Variants in RBFOX1 observed in about 807,000 individuals in gnomAD.
RBFOX1 encodes RNA binding protein fox-1 homolog 1.
In RBFOX1, 8 loss-of-function variants were observed where a neutral mutation model predicts 57.7. The observed-to-expected ratio is 0.14, with a 90% CI of 0.08 to 0.25. The LOEUF (loss-of-function observed/expected upper bound fraction) is 0.25, where lower values mean the gene tolerates loss of function less well. RBFOX1 is among the 10% of genes least tolerant of loss of function. The probability of loss-of-function intolerance (pLI) is 1.00; values close to 1 mark genes in which losing one functional copy is unlikely to be tolerated. For synonymous variants in RBFOX1, 326 were observed against 222.4 expected, an observed-to-expected ratio of 1.47 and a Z score of -4.15; for missense variants, 611 against 548.5, an observed-to-expected ratio of 1.11 and a Z score of -1.14.
chr16:6,042,609 A>G (rs1421467518), intron 1 of RBFOX1, among the ~76,000 whole-genome samples: 1 of 152,144 alleles, frequency 6.6e-6, no homozygotes, highest in Non-Finnish European at 1.5e-5. Flanking sequence ...ACTCTGGAAG[A>G]TATTTAAAGA....
Position 7,516,898 on chromosome 16 carries a change from AAG to A in RBFOX1, c.28-1246_28-1245del, listed in dbSNP as rs754612500. ...TGCTGCACTCAAATTGCTTTAGAGAAAGAGGATTTCGGATGTTGGTGGCAAGT... is the reference window on the plus strand; with the variant it reads ...TGCTGCACTCAAATTGCTTTAGAGAAAGGATTTCGGATGTTGGTGGCAAGT... On this transcript the variant is annotated intron_variant, in intron 4 of 15. Transcript: ENST00000550418. Among the ~76,000 whole-genome samples the A allele has an allele frequency of 5.3e-5, 8 of 152,184 alleles. No individual in the cohort carries two copies. In the East Asian group the frequency reaches 9.7e-4, roughly 18 times the overall value.
intron 3 of RBFOX1, among the ~76,000 whole-genome samples, chr16:6,946,144 A>G (rs2079470602): frequency 6.6e-6 from 1 of 152,234 alleles, no homozygotes; most frequent in Non-Finnish European, 1.5e-5. Context: ...CTCAAGTGGG[A>G]TAACTCATGA....
At chr16:6,636,371 G>A (rs986580032) in intron 2 of RBFOX1, among the ~76,000 whole-genome samples, 2 of 151,916 alleles carry the variant, frequency 1.3e-5, no homozygotes, top group African/African-American at 2.4e-5. Flanking sequence ...GGGGTTTCAT[G>A]GTGTTAGCCA....
At chr16:5,371,894 G>T (rs1051730976) in intron 1 of RBFOX1, among the ~76,000 whole-genome samples, 2 of 152,166 alleles carry the variant, frequency 1.3e-5, no homozygotes, top group Non-Finnish European at 2.9e-5. Flanking sequence ...CCGAGTCAAC[G>T]GGAGGTTTCC....
intron 1 of RBFOX1, among the ~76,000 whole-genome samples, chr16:6,133,529 C>G (rs573111098): frequency 6.6e-6 from 1 of 152,198 alleles, no homozygotes; most frequent in Non-Finnish European, 1.5e-5. Flanking sequence ...CCTGCGATCA[C>G]GCTATGTTTA....
intron 1 of RBFOX1, among the ~76,000 whole-genome samples, chr16:6,152,383 T>C (rs2096803845): frequency 6.6e-6 from 1 of 152,128 alleles, no homozygotes; most frequent in Non-Finnish European, 1.5e-5. Context: ...CAAATATGCA[T>C]GGAAAAGTTT....
Position 7,709,089 on chromosome 16 carries a change from C to G in RBFOX1, c.1029C>G (p.His343Gln). The change falls in exon 15 of 16, where the codon CAC becomes CAG. Residue 343 changes from histidine (H) to glutamine (Q), a missense_variant. His to Gln is a conservative substitution (Grantham distance 24). This residue lies in a region of RBFOX1 where 267 missense variants were observed against 229.1 expected (regional missense o/e 1.17). Transcript: ENST00000550418. The stretch of plus-strand genomic sequence containing the variant: ...GAGTTTATGCTGCCGACCCCTACCA[C>G]CACGCACTTGCTCCAGCCCCCACCT... ...YGRVYAADPYHHALAPAPTYG... is the reference protein window; with the variant it reads ...YGRVYAADPYQHALAPAPTYG... 6.2e-7 allele frequency: 1 copy of G among 1,613,672 alleles called. No individual in the cohort carries two copies. Among genetic ancestry groups the G allele is most frequent in the South Asian group, 1.1e-5 (1 of 90,976 alleles).
At chr16:5,510,083 G>A (rs76784488) in intron 2 of RBFOX1, among the ~76,000 whole-genome samples, 2,686 of 152,300 alleles carry the variant, frequency 0.018, 61 homozygotes, top group African/African-American at 0.048. Flanking sequence ...CCACAGCGTC[G>A]AGCACAGGGC....
At chr16:6,166,939 A>C (rs1465756338) in intron 1 of RBFOX1, among the ~76,000 whole-genome samples, 1 of 144,288 alleles carries the variant, frequency 6.9e-6, no homozygotes, top group Non-Finnish European at 1.6e-5. Context: ...ACACCTAGCT[A>C]ATTTTTTTTA....
intron 4 of RBFOX1, among the ~76,000 whole-genome samples, chr16:7,193,797 T>C (rs2086019171): frequency 6.6e-6 from 1 of 152,194 alleles, no homozygotes; most frequent in South Asian, 2.1e-4. Context: ...CAACAGGTCC[T>C]AGAAGATATT....
At chr16:7,077,897 T>G (rs1332799888) in intron 4 of RBFOX1, among the ~76,000 whole-genome samples, 3 of 152,184 alleles carry the variant, frequency 2.0e-5, no homozygotes, top group African/African-American at 7.2e-5. Context: ...AACTTGAGAT[T>G]GTGCTTTTAT....
chr16:5,811,143 ATTTTTTTT>A (rs374827330), intron 3 of RBFOX1, among the ~76,000 whole-genome samples: 215 of 104,574 alleles, frequency 2.1e-3, no homozygotes, highest in Non-Finnish European at 2.9e-3. Context: ...TATGGAACAA[ATTTTTTTT>A]TTTTTTTTTT....
At chr16:6,874,974 C>G (rs1038053694) in intron 3 of RBFOX1, among the ~76,000 whole-genome samples, 3 of 152,160 alleles carry the variant, frequency 2.0e-5, no homozygotes, top group Non-Finnish European at 4.4e-5. Context: ...GGCTTCATAA[C>G]CCATGTTACT....
At chr16:7,344,404 ATATT>A (rs536968395) in intron 4 of RBFOX1, among the ~76,000 whole-genome samples, 35 of 149,968 alleles carry the variant, frequency 2.3e-4, no homozygotes, top group Admixed American at 6.0e-4. Context: ...AATGCAATAT[ATATT>A]TCAATAATAT....
At chr16:7,041,999 C>A (rs2046334183) in intron 3 of RBFOX1, among the ~76,000 whole-genome samples, 1 of 152,128 alleles carries the variant, frequency 6.6e-6, no homozygotes, top group Non-Finnish European at 1.5e-5. Flanking sequence ...AAGGACTGGA[C>A]TTCCTTAGTC....
chr16:7,218,949 C>T lies in RBFOX1; in HGVS notation c.27+166851C>T, dbSNP rs1039017990. 8.5e-5 allele frequency among the ~76,000 whole-genome samples: 13 copies of T among 152,196 alleles called. No individual in the cohort carries two copies. The South Asian group carries it at 1.5e-3, about 17-fold the overall frequency. On this transcript the variant is annotated intron_variant, in intron 4 of 15. Transcript: ENST00000550418. ...GTTTGGGCAGGCATATGGTCTGTGC[C>T]TAGCAGAGCTGATATTGCTGGTTCC... is the stretch of plus-strand genomic sequence containing the variant.
At chr16:5,696,814 T>A (rs570560159) in intron 3 of RBFOX1, among the ~76,000 whole-genome samples, 1 of 152,248 alleles carries the variant, frequency 6.6e-6, no homozygotes, top group South Asian at 2.1e-4. Context: ...TCTTTATATA[T>A]TTGATTTATA....
chr16:6,883,586 T>A (rs1158968423), intron 3 of RBFOX1, among the ~76,000 whole-genome samples: 3 of 152,222 alleles, frequency 2.0e-5, no homozygotes, highest in Non-Finnish European at 4.4e-5. Flanking sequence ...AGAGAAAATA[T>A]TGAAGTAACA....
intron 5 of RBFOX1, among the ~76,000 whole-genome samples, chr16:7,550,964 G>C (rs2086223261): frequency 1.3e-5 from 2 of 151,584 alleles, no homozygotes; most frequent in African/African-American, 2.4e-5. Flanking sequence ...CATGGTGGCG[G>C]GTACCTGTAA....
Sources: gnomAD v4.1 joint callset for allele counts (sites outside exome capture counted in the v4.1 genomes callset) on GRCh38, gnomAD v4.1.1 for gene constraint, gnomAD v4.1.1 regional missense constraint, MANE v1.5 for transcripts, NCBI Gene and HGNC (gene_info 2026-07-23, HGNC 2026-07-21) for gene names.